Variants in SMYD3 observed in about 807,000 individuals in gnomAD.
SMYD3 encodes the protein SET and MYND domain containing 3.
SMYD3 carries 36 observed loss-of-function variants against 57.7 expected under a neutral mutation model. That is an observed-to-expected ratio of 0.62 (90% CI 0.48 to 0.82). SMYD3 has a LOEUF of 0.82. SMYD3 is among the 40% of genes least tolerant of loss of function. The probability of loss-of-function intolerance (pLI) is 0.00; values close to 1 mark genes in which losing one functional copy is unlikely to be tolerated. For synonymous variants in SMYD3, 211 were observed against 195.0 expected, an observed-to-expected ratio of 1.08 and a Z score of -0.68; for missense variants, 515 against 538.8, an observed-to-expected ratio of 0.96 and a Z score of 0.44.
chr1:245,936,705 G>A (rs2056996102), intron 5 of SMYD3, among the ~76,000 whole-genome samples: 1 of 152,056 alleles, frequency 6.6e-6, no homozygotes, highest in South Asian at 2.1e-4. Flanking sequence ...GACCAGCTTG[G>A]GCAACATGGC....
chr1:246,040,962 G>A (rs1333279559), intron 5 of SMYD3, among the ~76,000 whole-genome samples: 1 of 152,082 alleles, frequency 6.6e-6, no homozygotes, highest in Non-Finnish European at 1.5e-5. Context: ...ATATAGTCAC[G>A]CACTGCATAA....
At chr1:246,478,917 T>C (rs12075932) in intron 1 of SMYD3, among the ~76,000 whole-genome samples, 8,479 of 19,322 alleles carry the variant, frequency 0.44, 2,925 homozygotes, top group East Asian at 0.85. Context: ...CTCGTATATG[T>C]ACACCTGTCC....
chr1:246,101,063 GGTTTTTTGTTTTT>G (rs2061001101), intron 5 of SMYD3, among the ~76,000 whole-genome samples: 4 of 92,954 alleles, frequency 4.3e-5, no homozygotes, highest in African/African-American at 6.3e-5. Flanking sequence ...TATTTTTAGG[GGTTTTTTGTTTTT>G]TTTTTTTTTT....
chr1:245,842,449 T>C (rs1028398884), intron 10 of SMYD3, among the ~76,000 whole-genome samples: 1 of 152,100 alleles, frequency 6.6e-6, no homozygotes, highest in Non-Finnish European at 1.5e-5. Context: ...TCTTTTCATT[T>C]CAAGTCAATG....
Position 246,101,063 on chromosome 1 carries a change from GGTTTTTTGTTTTTTT to G in SMYD3, c.532-171141_532-171127del, listed in dbSNP as rs1274456982. ...ATCACTAGTAATATGTATTTTTAGG[GGTTTTTTGTTTTTTT>G]TTTTTTTTTTTTTTTTTTTTTTACA... On this transcript the variant is annotated intron_variant, in intron 5 of 11. Transcript: ENST00000490107. Among the ~76,000 whole-genome samples the G allele has an allele frequency of 3.5e-3, 327 of 93,000 alleles. 5 individuals carry two copies. Among genetic ancestry groups the G allele is most frequent in the Non-Finnish European group, 7.0e-3 (275 of 39,066 alleles). The allele number at this position is 93,000 out of a possible 152,430, so 61.0% of individuals were successfully genotyped here.
chr1:245,906,926 C>T (rs1367793453), intron 8 of SMYD3, among the ~76,000 whole-genome samples: 1 of 152,150 alleles, frequency 6.6e-6, no homozygotes, highest in Admixed American at 6.5e-5. Flanking sequence ...TTTGTGGTAT[C>T]TAAGAAAAAT....
chr1:246,404,658 T>C (rs2066830403), intron 1 of SMYD3, among the ~76,000 whole-genome samples: 1 of 152,170 alleles, frequency 6.6e-6, no homozygotes, highest in African/African-American at 2.4e-5. Context: ...TCCTCTTTAC[T>C]TGATCTCTGT....
At chr1:245,858,370 CA>C (rs2051361974) in intron 10 of SMYD3, 125 bp downstream of exon 10, 2 of 960,222 alleles carry the variant, frequency 2.1e-6, no homozygotes, top group Non-Finnish European at 3.0e-6. Flanking sequence ...TGGTTTTAAA[CA>C]ATGGTTGAGA....
At chr1:245,916,668 T>C (rs1307720699) in intron 7 of SMYD3, among the ~76,000 whole-genome samples, 1 of 152,134 alleles carries the variant, frequency 6.6e-6, no homozygotes, top group African/African-American at 2.4e-5. Context: ...AGTGCCACCA[T>C]CCTGGTCTGA....
chr1:245,810,690 G>A (rs147054305), intron 10 of SMYD3, among the ~76,000 whole-genome samples: 1 of 152,190 alleles, frequency 6.6e-6, no homozygotes, highest in Non-Finnish European at 1.5e-5. Flanking sequence ...GAGCTTATGT[G>A]TCTAGCCTGG....
intron 5 of SMYD3, among the ~76,000 whole-genome samples, chr1:246,193,432 T>C (rs1263638830): frequency 6.6e-6 from 1 of 152,228 alleles, no homozygotes; most frequent in Non-Finnish European, 1.5e-5. Context: ...AATATGTTTA[T>C]TTGTATGATC....
chr1:246,504,129 C>G (rs2068500484), intron 1 of SMYD3, among the ~76,000 whole-genome samples: 1 of 152,112 alleles, frequency 6.6e-6, no homozygotes, highest in Non-Finnish European at 1.5e-5. Flanking sequence ...TCACCTTTCT[C>G]CATTAACAAA....
intron 5 of SMYD3, among the ~76,000 whole-genome samples, chr1:245,982,170 T>G (rs1296383759): frequency 6.6e-6 from 1 of 152,244 alleles, no homozygotes; most frequent in Non-Finnish European, 1.5e-5. Flanking sequence ...GATCTTGTTC[T>G]GTCACCCAGG....
chr1:245,822,463 G>T (rs1413759658), intron 10 of SMYD3, among the ~76,000 whole-genome samples: 5 of 150,428 alleles, frequency 3.3e-5, no homozygotes, highest in African/African-American at 4.9e-5. Flanking sequence ...CGAGTTAGTG[G>T]GTGCAGCACA....
chr1:246,408,070 G>C (rs1004876850), intron 1 of SMYD3, among the ~76,000 whole-genome samples: 1 of 151,674 alleles, frequency 6.6e-6, no homozygotes, highest in Non-Finnish European at 1.5e-5. Context: ...TTATGAGGGC[G>C]CTAATCCCAT....
At chr1:246,012,793 C>T (rs2059307297) in intron 5 of SMYD3, among the ~76,000 whole-genome samples, 1 of 152,172 alleles carries the variant, frequency 6.6e-6, no homozygotes, top group African/African-American at 2.4e-5. Flanking sequence ...ATGTCTGTCA[C>T]CCACCCATTC....
At chr1:246,438,108 CT>C (rs2067407683) in intron 1 of SMYD3, among the ~76,000 whole-genome samples, 1 of 152,156 alleles carries the variant, frequency 6.6e-6, no homozygotes, top group Non-Finnish European at 1.5e-5. Flanking sequence ...GCTCATTGAT[CT>C]TTCCCATCTG....
rs372352857 is a variant in SMYD3, at chr1:246,144,958, C to T, written c.531+182243G>A. Among the ~76,000 whole-genome samples, 9 of 152,304 alleles carry T rather than the reference C, an allele frequency of 5.9e-5. No homozygotes were observed. In the South Asian group the frequency reaches 8.3e-4, roughly 14 times the overall value. On this transcript the variant is annotated intron_variant, in intron 5 of 11. Transcript: ENST00000490107. Reference sequence around the variant, plus strand: ...GAAAGTCAACTTCCCCACCGCCTCACGAAAGCATCCTAATAGTTTTGTATA... The same window carrying T: ...GAAAGTCAACTTCCCCACCGCCTCATGAAAGCATCCTAATAGTTTTGTATA...
chr1:246,038,600 A>G (rs943447781), intron 5 of SMYD3, among the ~76,000 whole-genome samples: 12 of 152,186 alleles, frequency 7.9e-5, no homozygotes, highest in Non-Finnish European at 1.0e-4. Flanking sequence ...AGAAAATTAG[A>G]AAAGTGTTTT....
Sources: allele counts gnomAD v4.1 joint callset (sites outside exome capture counted in the v4.1 genomes callset), GRCh38; gene constraint gnomAD v4.1.1; transcripts MANE v1.5; gene names NCBI Gene and HGNC (gene_info 2026-07-23, HGNC 2026-07-21).